The following CDH13 variants were observed in gnomAD, a reference collection of about 807,000 sequenced individuals.
CDH13 encodes cadherin-13.
Under a neutral mutation model 63.8 loss-of-function variants are expected in CDH13, and 24 were observed. That is an observed-to-expected ratio of 0.38 (90% CI 0.27 to 0.53). The LOEUF (loss-of-function observed/expected upper bound fraction) is 0.53. Among genes scored for constraint, CDH13 ranks in the 20% least tolerant of loss-of-function variants. The pLI is 0.85. For missense variants in CDH13, 1,049 were observed against 903.1 expected (o/e 1.16, Z -2.07); for synonymous variants, 503 against 355.3 (o/e 1.42, Z -4.67).
intron 5 of CDH13, among the ~76,000 whole-genome samples, chr16:83,280,771 T>C (rs1390411178): frequency 3.3e-5 from 5 of 152,230 alleles, no homozygotes; most frequent in Admixed American, 1.3e-4. Context: ...AGTTGAAAAA[T>C]AGATGTTGTG....
rs548944824 is a variant in CDH13 at position 82,872,469 on chromosome 16, G to C, written c.157+13996G>C. 3.3e-5 allele frequency among the ~76,000 whole-genome samples: 5 copies of C among 152,252 alleles called. No individual in the cohort carries two copies. The East Asian group carries it at 5.8e-4, about 18-fold the overall frequency. ...GAGCATCTCCTAATTTAAGGTATTA[G>C]AACTACATAAACTGGGCTGCTTTAA... On this transcript the variant is annotated intron_variant, in intron 2 of 13. Coordinates refer to ENST00000567109, the MANE Select transcript of CDH13 (RefSeq NM_001257.5).
chr16:82,976,011 G>A (rs984765113), intron 2 of CDH13, among the ~76,000 whole-genome samples: 2 of 152,228 alleles, frequency 1.3e-5, no homozygotes, highest in South Asian at 4.1e-4. Flanking sequence ...AAACAGCACG[G>A]TAAGGATTCT....
At chr16:83,496,605 G>A (rs936870953) in intron 7 of CDH13, among the ~76,000 whole-genome samples, 1 of 152,136 alleles carries the variant, frequency 6.6e-6, no homozygotes, top group Non-Finnish European at 1.5e-5. Context: ...GCATGGGCAA[G>A]GACTTCATGT....
chr16:83,190,466 C>T (rs978403009), intron 4 of CDH13, among the ~76,000 whole-genome samples: 2 of 152,088 alleles, frequency 1.3e-5, no homozygotes, highest in African/African-American at 4.8e-5. Context: ...GTATTTTTTC[C>T]AATTGTCCTT....
intron 2 of CDH13, among the ~76,000 whole-genome samples, chr16:82,928,858 C>G (rs1488704408): frequency 3.3e-5 from 5 of 152,314 alleles, no homozygotes; most frequent in African/African-American, 2.4e-5. Context: ...AACACTTAGC[C>G]TCTTTTCTTC....
At chr16:83,316,967 C>A (rs533154399) in intron 5 of CDH13, among the ~76,000 whole-genome samples, 1 of 152,340 alleles carries the variant, frequency 6.6e-6, no homozygotes, top group African/African-American at 2.4e-5. Flanking sequence ...GGCTACCCAT[C>A]TATGAGAACA....
intron 7 of CDH13, among the ~76,000 whole-genome samples, chr16:83,489,758 T>A (rs1181019729): frequency 6.6e-6 from 1 of 152,168 alleles, no homozygotes; most frequent in Non-Finnish European, 1.5e-5. Context: ...AGGCCTGTCT[T>A]AGGTGTGGTT....
rs933994671 is a variant in CDH13, at chr16:82,963,539, C to G, written c.158-68471C>G. Among the ~76,000 whole-genome samples, 9 of 152,172 alleles carry G rather than the reference C, an allele frequency of 5.9e-5. 1 individual carries two copies. ...CACTTTTTAAGTGACTCTGTTTCCT[C>G]TTACATTTTCCCATAGTCTGTCTTC... On this transcript the variant is annotated intron_variant, in intron 2 of 13. Coordinates refer to ENST00000567109, the MANE Select transcript of CDH13 (RefSeq NM_001257.5).
intron 5 of CDH13, among the ~76,000 whole-genome samples, chr16:83,300,664 G>A (rs1207662442): frequency 2.0e-5 from 3 of 152,202 alleles, no homozygotes; most frequent in Non-Finnish European, 4.4e-5. Context: ...TTGTCAAGAT[G>A]AGACGTTAAT....
At chr16:83,791,388 C>G (rs537999118) in intron 13 of CDH13, among the ~76,000 whole-genome samples, 11 of 152,002 alleles carry the variant, frequency 7.2e-5, no homozygotes, top group African/African-American at 9.7e-5. Context: ...CCCAGCTACT[C>G]AGGAGGCTGA....
intron 1 of CDH13, among the ~76,000 whole-genome samples, chr16:82,664,974 A>G (rs919067997): frequency 1.3e-5 from 2 of 152,090 alleles, no homozygotes; most frequent in Non-Finnish European, 2.9e-5. Context: ...GAATTTGCCT[A>G]CTCAGTAAAA....
intron 8 of CDH13, among the ~76,000 whole-genome samples, chr16:83,634,955 G>A (rs1003647261): frequency 6.6e-6 from 1 of 152,160 alleles, no homozygotes; most frequent in African/African-American, 2.4e-5. Context: ...ACCAGCTGCT[G>A]GATCATATAT....
intron 6 of CDH13, among the ~76,000 whole-genome samples, chr16:83,471,029 G>T (rs1203905515): frequency 6.6e-6 from 1 of 152,034 alleles, no homozygotes; most frequent in East Asian, 1.9e-4. Flanking sequence ...CAGCAGTGTG[G>T]CGTCTCCAGA....
chr16:82,787,144 C>T (rs1478584589), intron 1 of CDH13, among the ~76,000 whole-genome samples: 1 of 152,062 alleles, frequency 6.6e-6, no homozygotes, highest in East Asian at 1.9e-4. Context: ...GACTGTTTTC[C>T]ATTGGGGCTG....
rs764865042 is a variant in CDH13, at chr16:82,659,960, C to T, written c.45+32823C>T. Among the ~76,000 whole-genome samples the T allele has an allele frequency of 7.2e-4, 109 of 152,258 alleles. 1 individual carries two copies. Among genetic ancestry groups the T allele is most frequent in the Admixed American group, 4.4e-3 (68 of 15,304 alleles). On this transcript the variant is annotated intron_variant, in intron 1 of 13. Transcript: ENST00000567109. The stretch of plus-strand genomic sequence containing the variant: ...AGGGAAAGGGGGGAAAGTGACTCCC[C>T]ATTGAGAACCACTGCTTTAGGGGAA...
chr16:83,511,654 A>G (rs555571230), intron 7 of CDH13, among the ~76,000 whole-genome samples: 3 of 152,216 alleles, frequency 2.0e-5, no homozygotes, highest in Admixed American at 1.3e-4. Flanking sequence ...AAATTCTGAT[A>G]TGAGCATCAC....
intron 5 of CDH13, among the ~76,000 whole-genome samples, chr16:83,240,950 A>G (rs529161650): frequency 4.2e-4 from 64 of 152,232 alleles, no homozygotes; most frequent in Admixed American, 1.2e-3. Flanking sequence ...TCATCTTGCA[A>G]TAGTAAAACT....
At chr16:83,374,631 G>C (rs1304550105) in intron 6 of CDH13, among the ~76,000 whole-genome samples, 1 of 152,222 alleles carries the variant, frequency 6.6e-6, no homozygotes, top group Non-Finnish European at 1.5e-5. Flanking sequence ...TCAGTGATTT[G>C]TTTCGAGGCG....
At chr16:82,850,977 C>T (rs975477435) in intron 1 of CDH13, among the ~76,000 whole-genome samples, 1 of 152,184 alleles carries the variant, frequency 6.6e-6, no homozygotes, top group Non-Finnish European at 1.5e-5. Flanking sequence ...TCATGTGACT[C>T]ACTTTATTGT....
Sources: gnomAD v4.1 joint callset for allele counts (sites outside exome capture counted in the v4.1 genomes callset) on GRCh38, gnomAD v4.1.1 for gene constraint, MANE v1.5 for transcripts, NCBI Gene and HGNC (gene_info 2026-07-23, HGNC 2026-07-21) for gene names.